The following COLGALT2 variants were observed in gnomAD, a reference collection of about 807,000 sequenced individuals.
COLGALT2 encodes the protein procollagen galactosyltransferase 2.
Under a neutral mutation model 73.4 loss-of-function variants are expected in COLGALT2, and 49 were observed. The ratio of observed to expected loss-of-function variants is 0.67; its 90% CI spans 0.53 to 0.85. COLGALT2 has a LOEUF of 0.85. Among genes scored for constraint, COLGALT2 ranks in the 40% least tolerant of loss-of-function variants. The probability of loss-of-function intolerance (pLI) is 0.00; values close to 1 mark genes in which losing one functional copy is unlikely to be tolerated. For synonymous variants in COLGALT2, 295 were observed against 307.6 expected, an observed-to-expected ratio of 0.96 and a Z score of 0.43; for missense variants, 722 against 790.2, an observed-to-expected ratio of 0.91 and a Z score of 1.03.
At chr1:184,035,385 T>C (rs1210600235) in intron 1 of COLGALT2, among the ~76,000 whole-genome samples, 4 of 152,246 alleles carry the variant, frequency 2.6e-5, no homozygotes, top group African/African-American at 9.6e-5. Context: ...TTGTAGATTA[T>C]AGGCTTATGT....
intron 1 of COLGALT2, among the ~76,000 whole-genome samples, chr1:183,996,081 T>C (rs1671761945): frequency 6.6e-6 from 1 of 152,204 alleles, no homozygotes; most frequent in South Asian, 2.1e-4. Context: ...TTGTCCCAAC[T>C]GGTTTGACCT....
intron 1 of COLGALT2, among the ~76,000 whole-genome samples, chr1:183,989,406 C>T (rs541238525): frequency 6.6e-5 from 10 of 152,220 alleles, no homozygotes; most frequent in Admixed American, 5.2e-4. Context: ...CTGGAGCCAG[C>T]GCGACCACAG....
chr1:184,019,369 G>A (rs1048420217), intron 1 of COLGALT2, among the ~76,000 whole-genome samples: 11 of 152,174 alleles, frequency 7.2e-5, no homozygotes, highest in African/African-American at 2.2e-4. Context: ...GTTTATGCAC[G>A]AAACATAGCT....
In COLGALT2 at chr1:183,939,023, T is replaced by A; in HGVS notation, c.1619A>T (p.Glu540Val). Residue 540 changes from glutamate to valine, a missense_variant, in exon 12 of 12, where the codon GAG becomes GTG. Glu to Val is a moderately radical substitution (Grantham distance 121, BLOSUM62 -2). Transcript: ENST00000361927. Reference protein sequence around the residue: ...YNKHPVAEYKEYYESRDLKAF... With the variant: ...YNKHPVAEYKVYYESRDLKAF... ...TTTCAGGTCCCTGGATTCATAATAC[T>A]CCTTGTACTCGGCTCTGAAAACAAG... 1 of 1,610,872 alleles carries A rather than the reference T, an allele frequency of 6.2e-7. No individual in the cohort carries two copies. Among genetic ancestry groups the A allele is most frequent in the South Asian group, 1.1e-5 (1 of 91,004 alleles).
chr1:183,993,316 A>G (rs1671681711), intron 1 of COLGALT2, among the ~76,000 whole-genome samples: 1 of 152,210 alleles, frequency 6.6e-6, no homozygotes, highest in African/African-American at 2.4e-5. Context: ...GGGGAATGCA[A>G]TCAGTTGCTT....
At chr1:184,020,677 T>G (rs1452395771) in intron 1 of COLGALT2, among the ~76,000 whole-genome samples, 1 of 152,190 alleles carries the variant, frequency 6.6e-6, no homozygotes, top group Non-Finnish European at 1.5e-5. Context: ...CCTTAACACA[T>G]CTTTTGAAAT....
chr1:183,959,516 T>C (rs1202881629), intron 6 of COLGALT2, among the ~76,000 whole-genome samples: 1 of 152,180 alleles, frequency 6.6e-6, no homozygotes, highest in Non-Finnish European at 1.5e-5. Flanking sequence ...ATGGACTGCA[T>C]TCAGGTCTCT....
chr1:183,983,304 C>G (rs569768327), intron 1 of COLGALT2, among the ~76,000 whole-genome samples: 1 of 152,256 alleles, frequency 6.6e-6, no homozygotes, highest in African/African-American at 2.4e-5. Flanking sequence ...GCCACACCAG[C>G]CCACCGAGGA....
intron 11 of COLGALT2, among the ~76,000 whole-genome samples, chr1:183,940,082 C>T (rs1240724289): frequency 6.6e-6 from 1 of 152,200 alleles, no homozygotes; most frequent in Admixed American, 6.5e-5. Flanking sequence ...GGTCCACACT[C>T]CCTGAACCTC....
At chr1:183,986,899 C>T (rs1671504944) in intron 1 of COLGALT2, among the ~76,000 whole-genome samples, 1 of 152,130 alleles carries the variant, frequency 6.6e-6, no homozygotes, top group South Asian at 2.1e-4. Flanking sequence ...AACACCCACC[C>T]TCCCACTCCA....
At chr1:184,025,854 C>T (rs1218002824) in intron 1 of COLGALT2, among the ~76,000 whole-genome samples, 2 of 152,160 alleles carry the variant, frequency 1.3e-5, no homozygotes, top group Non-Finnish European at 2.9e-5. Flanking sequence ...ATCGATTATG[C>T]AGTTATGTGA....
intron 1 of COLGALT2, among the ~76,000 whole-genome samples, chr1:184,011,257 AG>A (rs1672226500): frequency 6.6e-6 from 1 of 152,202 alleles, no homozygotes; most frequent in South Asian, 2.1e-4. Flanking sequence ...CGCAGGTGCC[AG>A]CCCCGTGGTT....
chr1:183,945,496 G>A lies in COLGALT2; in HGVS notation c.1205C>T (p.Ser402Phe). Residue 402 changes from serine (S) to phenylalanine (F), a missense_variant, in exon 9 of 12, where the codon TCC becomes TTC. Ser to Phe is a radical substitution (Grantham distance 155, BLOSUM62 -2). Coordinates refer to ENST00000361927, the MANE Select transcript of COLGALT2 (RefSeq NM_015101.4). ...TTCACCCCTTGTTAGAGGCCTGGAG[G>A]AATAGGGATCTCGATAGCCAGGCAG... ...EMLPGYRDPY[S>F]SRPLTRGEIG... is the part of the protein sequence containing the mutation. 6.2e-7 allele frequency: 1 copy of A among 1,614,156 alleles called. No homozygotes were observed. The highest frequency in any genetic ancestry group is 1.1e-5 in the South Asian group (1 of 91,090).
chr1:183,996,544 T>A (rs906901447), intron 1 of COLGALT2, among the ~76,000 whole-genome samples: 1 of 152,192 alleles, frequency 6.6e-6, no homozygotes, highest in African/African-American at 2.4e-5. Flanking sequence ...AAGTTATCTA[T>A]CCTCAGACAA....
chr1:183,931,922 CTG>C (rs1669855888), downstream of COLGALT2, among the ~76,000 whole-genome samples: 1 of 150,660 alleles, frequency 6.6e-6, no homozygotes, highest in South Asian at 2.1e-4. Context: ...CTAAATGAGA[CTG>C]TTAGCTTGCC....
chr1:183,972,791 C>G (rs1671081333), intron 4 of COLGALT2, among the ~76,000 whole-genome samples: 1 of 152,124 alleles, frequency 6.6e-6, no homozygotes, highest in African/African-American at 2.4e-5. Flanking sequence ...GCTCCGCCTC[C>G]CAAGTTCACG....
rs780684646 is a variant in COLGALT2, at chr1:183,940,676, A to T, written c.1509T>A (p.Ser503=). ...YSYWTLGYVI[S]LEGAQKLVGA... ...CAACCAGCTTCTGTGCTCCTTCCAGAGAGATGACGTAGCCCAGGGTCCAGT... is the reference window on the plus strand; with the variant it reads ...CAACCAGCTTCTGTGCTCCTTCCAGTGAGATGACGTAGCCCAGGGTCCAGT... The change falls in exon 11 of 12, where the codon TCT becomes TCA. Residue 503 remains serine (S), a synonymous_variant. Coordinates refer to ENST00000361927, the MANE Select transcript of COLGALT2 (RefSeq NM_015101.4). 8.7e-6 allele frequency: 14 copies of T among 1,614,192 alleles called. No individual in the cohort carries two copies. In the East Asian group the frequency reaches 3.1e-4, roughly 36 times the overall value.
chr1:184,027,259 T>C (rs539411193), intron 1 of COLGALT2, among the ~76,000 whole-genome samples: 5 of 152,316 alleles, frequency 3.3e-5, no homozygotes, highest in African/African-American at 9.6e-5. Context: ...ATGCCAACTT[T>C]CCAAACTCTG....
At chr1:184,023,713 A>C (rs1397131524) in intron 1 of COLGALT2, among the ~76,000 whole-genome samples, 12 of 152,156 alleles carry the variant, frequency 7.9e-5, no homozygotes, top group Admixed American at 7.9e-4. Flanking sequence ...TATATGATAA[A>C]ATTAAATCTA....
Sources: allele counts gnomAD v4.1 joint callset (sites outside exome capture counted in the v4.1 genomes callset), GRCh38; gene constraint gnomAD v4.1.1; transcripts MANE v1.5; gene names NCBI Gene and HGNC (gene_info 2026-07-23, HGNC 2026-07-21).